Variants in MYOM2 observed in about 807,000 individuals in gnomAD.
The protein encoded by MYOM2 is myomesin-2.
Under a neutral mutation model 187.6 loss-of-function variants are expected in MYOM2, and 254 were observed. That is an observed-to-expected ratio of 1.35 (90% confidence interval 1.22 to 1.50). The LOEUF (loss-of-function observed/expected upper bound fraction) is 1.50. MYOM2 is among the 40% of genes most tolerant of loss of function. MYOM2 has a pLI of 0.00. For missense variants in MYOM2, 2,796 were observed against 1,924.0 expected (o/e 1.45, Z -8.48); for synonymous variants, 981 against 753.8 (o/e 1.30, Z -4.94).
chr8:2,050,801 G>T lies in MYOM2; in HGVS notation c.35G>T (p.Arg12Ile). The T allele has an allele frequency of 6.2e-7, 1 of 1,613,516 alleles. No individual in the cohort carries two copies. Among genetic ancestry groups the T allele is most frequent in the Non-Finnish European group, 8.5e-7 (1 of 1,179,440 alleles). ...SLVTVPFYQK[R>I]HRHFDQSYRN... ...GTGACTGTCCCCTTCTACCAGAAGA[G>T]ACATAGGCACTTCGACCAGTCCTAC... Residue 12 changes from arginine (R) to isoleucine (I), a missense_variant, in exon 2 of 37, where the codon AGA becomes ATA. Transcript: ENST00000262113.
At chr8:2,127,264 C>T (rs1211437988) in intron 31 of MYOM2, among the ~76,000 whole-genome samples, 1 of 152,110 alleles carries the variant, frequency 6.6e-6, no homozygotes, top group Non-Finnish European at 1.5e-5. Context: ...CAGAGTCCCA[C>T]CTGACTGGGG....
At chr8:2,078,956 T>C (rs758333934) in intron 12 of MYOM2, 23 bp downstream of exon 12, 4 of 1,609,008 alleles carry the variant, frequency 2.5e-6, no homozygotes, top group Non-Finnish European at 3.4e-6. Flanking sequence ...CGCCTAAGTA[T>C]CCACTGTGCC....
intron 31 of MYOM2, among the ~76,000 whole-genome samples, chr8:2,125,540 C>T (rs1015500231): frequency 6.6e-6 from 1 of 151,220 alleles, no homozygotes; most frequent in African/African-American, 2.4e-5. Flanking sequence ...TGTTCTTTTT[C>T]CTAAGGATTG....
chr8:2,086,921 G>C (rs1465811849), intron 14 of MYOM2, among the ~76,000 whole-genome samples: 1 of 151,038 alleles, frequency 6.6e-6, no homozygotes, highest in Non-Finnish European at 1.5e-5. Context: ...AGACTCGCCA[G>C]ATATCCAATA....
chr8:2,142,648 AG>A (rs1284496532), intron 35 of MYOM2, among the ~76,000 whole-genome samples: 2 of 146,392 alleles, frequency 1.4e-5, no homozygotes, highest in Non-Finnish European at 3.0e-5. Flanking sequence ...CAGAACCTGC[AG>A]CCCAGACACC....
chr8:2,105,970 A>T (rs983405556), intron 21 of MYOM2, among the ~76,000 whole-genome samples: 2 of 152,182 alleles, frequency 1.3e-5, no homozygotes, highest in African/African-American at 4.8e-5. Context: ...GCACTTCTTC[A>T]CAGGGCGGCA....
At chr8:2,082,101 C>T (rs998741624) in intron 13 of MYOM2, 52 of 152,322 alleles carry the variant, frequency 3.4e-4, no homozygotes, top group African/African-American at 1.2e-3. Flanking sequence ...CTGCCTGAGG[C>T]TCAGCCTCCC....
chr8:2,144,038 G>C (rs1216791724), intron 36 of MYOM2, among the ~76,000 whole-genome samples: 1 of 152,156 alleles, frequency 6.6e-6, no homozygotes, highest in Non-Finnish European at 1.5e-5. Context: ...AATGTCACAG[G>C]GACAGAGATA....
intron 10 of MYOM2, among the ~76,000 whole-genome samples, chr8:2,075,939 A>T (rs1405690799): frequency 6.6e-6 from 1 of 152,226 alleles, no homozygotes; most frequent in East Asian, 1.9e-4. Context: ...CTATGTTTTG[A>T]AGCTTTTTAA....
chr8:2,058,173 C>T (rs1174186651), intron 5 of MYOM2, among the ~76,000 whole-genome samples: 2 of 151,932 alleles, frequency 1.3e-5, no homozygotes, highest in African/African-American at 4.8e-5. Flanking sequence ...TGTACGCCAC[C>T]ACGCCTGGCT....
At chr8:2,092,729 T>G (rs1253463615) in intron 16 of MYOM2, among the ~76,000 whole-genome samples, 1 of 150,818 alleles carries the variant, frequency 6.6e-6, no homozygotes, top group African/African-American at 2.4e-5. Flanking sequence ...CCGAAACGAT[T>G]TATTTATGGA....
At chr8:2,140,653 T>C in intron 32 of MYOM2, 70 bp from the exon 33 acceptor site, 1 of 1,481,068 alleles carries the variant, frequency 6.8e-7, no homozygotes, top group Non-Finnish European at 9.2e-7. Flanking sequence ...CAACGGGACA[T>C]TGCCCTGTAG....
At chr8:2,050,009 A>G (rs1818430710) in intron 1 of MYOM2, among the ~76,000 whole-genome samples, 1 of 152,076 alleles carries the variant, frequency 6.6e-6, no homozygotes, top group Non-Finnish European at 1.5e-5. Flanking sequence ...GTAACCAGTG[A>G]GACTTCAGAC....
intron 27 of MYOM2, among the ~76,000 whole-genome samples, chr8:2,116,519 A>C (rs1797250765): frequency 6.6e-6 from 1 of 152,200 alleles, no homozygotes; most frequent in Admixed American, 6.5e-5. Context: ...GAAAAGAATA[A>C]AGAATGGGGG....
chr8:2,093,183 GA>G (rs1264721293), intron 16 of MYOM2, among the ~76,000 whole-genome samples: 4 of 152,134 alleles, frequency 2.6e-5, no homozygotes, highest in South Asian at 2.1e-4. Flanking sequence ...TTTAAAATCT[GA>G]AAAAAATACA....
At chr8:2,050,644 A>G in intron 1 of MYOM2, 111 bp from the exon 2 acceptor site, 3 of 586,010 alleles carry the variant, frequency 5.1e-6, no homozygotes. Flanking sequence ...TCCCTTCCCA[A>G]GGGGGTTTTA....
Position 2,059,264 on chromosome 8 carries a change from C to T in MYOM2, c.653+19C>T. ...TCAACAGGTATGGCTGTGGTGGGGG[C>T]TCTGGACGCTGGCGTCCAGTAATCA... On this transcript the variant is annotated intron_variant, in intron 6 of 36. Coordinates refer to ENST00000262113, the MANE Select transcript of MYOM2 (RefSeq NM_003970.4). 1.9e-6 allele frequency: 3 copies of T among 1,608,380 alleles called. No homozygotes were observed. Among genetic ancestry groups the T allele is most frequent in the African/African-American group, 1.3e-5 (1 of 74,946 alleles).
chr8:2,135,860 G>A (rs547301651), intron 32 of MYOM2, among the ~76,000 whole-genome samples: 5 of 152,314 alleles, frequency 3.3e-5, no homozygotes, highest in African/African-American at 1.2e-4. Context: ...CTATTTTTGA[G>A]CACTAGGACG....
In MYOM2 at chr8:2,144,801, A is replaced by G. The variant is rs762155029; in HGVS notation, c.4218A>G (p.Lys1406=). The G allele has an allele frequency of 6.2e-6, 10 of 1,614,164 alleles. No homozygotes were observed. The highest frequency in any genetic ancestry group is 8.5e-6 in the Non-Finnish European group (10 of 1,180,030). Residue 1406 remains lysine (K), a synonymous_variant, in exon 37 of 37, where the codon AAA becomes AAG. Coordinates refer to ENST00000262113, the MANE Select transcript of MYOM2 (RefSeq NM_003970.4). ...EQAKYVSMTI[K]GVTSEDSGKY... is the part of the protein sequence containing the mutation. ...CCAAGTACGTCAGCATGACCATCAAAGGCGTGACCTCCGAGGACTCGGGCA... is the reference window on the plus strand; with the variant it reads ...CCAAGTACGTCAGCATGACCATCAAGGGCGTGACCTCCGAGGACTCGGGCA...
Sources: allele counts gnomAD v4.1 joint callset (sites outside exome capture counted in the v4.1 genomes callset), GRCh38; gene constraint gnomAD v4.1.1; transcripts MANE v1.5; gene names NCBI Gene and HGNC (gene_info 2026-07-23, HGNC 2026-07-21).